Variants in LYPLA1 observed in about 807,000 individuals in gnomAD.
LYPLA1 encodes the protein acyl-protein thioesterase 1.
In LYPLA1, 17 loss-of-function variants were observed where a neutral mutation model predicts 34.0. The observed-to-expected ratio is 0.50, with a 90% CI of 0.34 to 0.75. The LOEUF (loss-of-function observed/expected upper bound fraction) is 0.75. LYPLA1 is among the 30% of genes least tolerant of loss of function. LYPLA1 has a pLI of 0.01. For synonymous variants in LYPLA1, 98 were observed against 100.8 expected (o/e 0.97, Z 0.17); for missense variants, 203 against 288.8 (o/e 0.70, Z 2.15).
At chr8:54,068,553 A>G (rs1355581490) in intron 2 of LYPLA1, among the ~76,000 whole-genome samples, 2 of 152,230 alleles carry the variant, frequency 1.3e-5, no homozygotes, top group Admixed American at 6.5e-5. Context: ...AAAACCTCAC[A>G]TTTACTGTCA....
intron 2 of LYPLA1, among the ~76,000 whole-genome samples, chr8:54,097,926 G>T (rs1353744552): frequency 6.6e-6 from 1 of 152,152 alleles, no homozygotes; most frequent in Non-Finnish European, 1.5e-5. Context: ...GGCTTATTTG[G>T]ATAAAAGCAC....
In LYPLA1 at chr8:54,072,750, G is replaced by A. The variant is rs561067314; in HGVS notation, c.102-6937C>T. Among the ~76,000 whole-genome samples the A allele has an allele frequency of 3.2e-4, 49 of 151,956 alleles. 1 individual carries two copies. The South Asian group carries it at 9.4e-3, about 29-fold the overall frequency. Reference sequence around the variant, plus strand: ...TCCCAGCACTTTGGGTAGCGGAGGCGGGCGGATCACTTGAGGTCAGGAGTT... The same window carrying A: ...TCCCAGCACTTTGGGTAGCGGAGGCAGGCGGATCACTTGAGGTCAGGAGTT... On this transcript the variant is annotated intron_variant, in intron 2 of 8. Coordinates refer to ENST00000316963, the MANE Select transcript of LYPLA1 (RefSeq NM_006330.4).
At chr8:54,053,531 C>T in intron 6 of LYPLA1, 1 of 447,748 alleles carries the variant, frequency 2.2e-6, no homozygotes, top group Non-Finnish European at 4.5e-6. Context: ...CCAGAAGCCC[C>T]ATCACTCTGA....
chr8:54,065,849 CTG>C (rs1237203825), intron 2 of LYPLA1, 36 bp from the exon 3 acceptor site: 2 of 1,432,226 alleles, frequency 1.4e-6, no homozygotes. Flanking sequence ...CTATTAGACA[CTG>C]TTTTAAATCC....
intron 5 of LYPLA1, among the ~76,000 whole-genome samples, chr8:54,056,442 T>C (rs1210833197): frequency 6.6e-6 from 1 of 151,918 alleles, no homozygotes; most frequent in Non-Finnish European, 1.5e-5. Flanking sequence ...AATGGACAAA[T>C]GGGATCACAT....
rs372635111 is a variant in LYPLA1, at chr8:54,051,180, G to A, written c.471C>T (p.Ile157=). 1.6e-5 allele frequency: 26 copies of A among 1,596,922 alleles called. No individual in the cohort carries two copies. Among genetic ancestry groups the A allele is most frequent in the South Asian group, 9.0e-5 (8 of 89,342 alleles). ...TAGAAATATCTCTATTAGCACCACC[G>A]ATAGGACCCTGCAAAAAGCAAAAGA... ...PLRASFPQGP[I]GGANRDISIL... Residue 157 remains isoleucine, a synonymous_variant, in exon 8 of 9, where the codon ATC becomes ATT. Transcript: ENST00000316963.
chr8:54,092,197 G>A (rs1809337214), intron 2 of LYPLA1, among the ~76,000 whole-genome samples: 1 of 151,146 alleles, frequency 6.6e-6, no homozygotes, highest in Admixed American at 6.6e-5. Context: ...GGAGGAGGAG[G>A]AGGAGAAAGA....
In LYPLA1 at chr8:54,065,747, C is replaced by G; in HGVS notation, c.167+1G>C. On this transcript the variant is annotated splice_donor_variant, in intron 3 of 8. Transcript: ENST00000316963. LOFTEE classifies it high-confidence loss of function. The stretch of plus-strand genomic sequence containing the variant: ...CAAGCCTGAAGATCAGAAATACTCA[C>G]GCATGCGGGCAGATATATTTGATAT... The G allele has an allele frequency of 6.2e-7, 1 of 1,612,690 alleles. No individual in the cohort carries two copies. The highest frequency in any genetic ancestry group is 1.1e-5 in the South Asian group (1 of 91,026).
chr8:54,069,191 G>A (rs1308267759), intron 2 of LYPLA1, among the ~76,000 whole-genome samples: 3 of 152,204 alleles, frequency 2.0e-5, no homozygotes. Flanking sequence ...GCACTGTTGA[G>A]TGAATATGGT....
At chr8:54,058,032 CAA>C (rs1319462308) in intron 5 of LYPLA1, among the ~76,000 whole-genome samples, 4 of 152,190 alleles carry the variant, frequency 2.6e-5, no homozygotes, top group Admixed American at 6.5e-5. Flanking sequence ...TTTCTCTCAT[CAA>C]GAGATGGATT....
intron 5 of LYPLA1, among the ~76,000 whole-genome samples, chr8:54,056,573 T>C (rs748226439): frequency 2.0e-5 from 3 of 152,060 alleles, no homozygotes; most frequent in Non-Finnish European, 4.4e-5. Flanking sequence ...CCAGAATATA[T>C]AAGGAGCTTT....
chr8:54,055,165 C>T (rs1480988733), intron 5 of LYPLA1, 32 bp from the exon 6 acceptor site: 1 of 1,318,830 alleles, frequency 7.6e-7, no homozygotes, highest in African/African-American at 1.5e-5. Flanking sequence ...GTCAGCAATA[C>T]TTTCAGAGTT....
intron 2 of LYPLA1, among the ~76,000 whole-genome samples, chr8:54,097,353 A>T (rs1220394325): frequency 2.0e-5 from 3 of 152,228 alleles, no homozygotes; most frequent in Non-Finnish European, 4.4e-5. Flanking sequence ...AAATTAAAGG[A>T]CTAGCCTGTT....
chr8:54,090,773 T>C (rs542810573), intron 2 of LYPLA1, among the ~76,000 whole-genome samples: 1 of 152,278 alleles, frequency 6.6e-6, no homozygotes, highest in South Asian at 2.1e-4. Context: ...GATCCCACAA[T>C]ACCCATGTGT....
intron 5 of LYPLA1, among the ~76,000 whole-genome samples, chr8:54,059,069 ATCTT>A (rs985045772): frequency 6.6e-6 from 1 of 152,212 alleles, no homozygotes; most frequent in Non-Finnish European, 1.5e-5. Context: ...TTAGGACAGA[ATCTT>A]TCATTCTGGA....
intron 2 of LYPLA1, among the ~76,000 whole-genome samples, chr8:54,091,550 A>G (rs1809263475): frequency 2.2e-5 from 3 of 135,384 alleles, no homozygotes; most frequent in African/African-American, 8.7e-5. Context: ...AGAAAAGAAA[A>G]GAAGAAAGGA....
chr8:54,075,813 A>G (rs1031414564), intron 2 of LYPLA1, among the ~76,000 whole-genome samples: 3 of 152,168 alleles, frequency 2.0e-5, no homozygotes, highest in Non-Finnish European at 4.4e-5. Flanking sequence ...TCAAAAACCT[A>G]TTTCTAAGAA....
chr8:54,096,657 C>T (rs910382395), intron 2 of LYPLA1, among the ~76,000 whole-genome samples: 1 of 151,638 alleles, frequency 6.6e-6, no homozygotes, highest in African/African-American at 2.4e-5. Context: ...GCAGGAGACT[C>T]ACTTGAACTC....
intron 2 of LYPLA1, among the ~76,000 whole-genome samples, chr8:54,099,541 G>GTCCA (rs1563682232): frequency 6.6e-6 from 1 of 152,136 alleles, no homozygotes. Context: ...AGCTGGCATG[G>GTCCA]TGGCAAGCAA....
Sources: gnomAD v4.1 joint callset for allele counts (sites outside exome capture counted in the v4.1 genomes callset) on GRCh38, gnomAD v4.1.1 for gene constraint, MANE v1.5 for transcripts, NCBI Gene and HGNC (gene_info 2026-07-23, HGNC 2026-07-21) for gene names.